ADORA2B: variants seen among roughly 807,000 people sequenced by gnomAD.
ADORA2B encodes adenosine receptor A2b.
Under a neutral mutation model 20.8 loss-of-function variants are expected in ADORA2B, and 18 were observed. The ratio of observed to expected loss-of-function variants is 0.87; its 90% CI spans 0.60 to 1.29. The LOEUF (loss-of-function observed/expected upper bound fraction) is 1.29. Among genes scored for constraint, ADORA2B ranks in the 50% most tolerant of loss-of-function variants. ADORA2B has a pLI of 0.00. For missense variants in ADORA2B, 441 were observed against 422.7 expected (o/e 1.04, Z -0.38); for synonymous variants, 179 against 178.3 (o/e 1.00, Z -0.03).
the ADORA2B span, among the ~76,000 whole-genome samples, chr17:15,861,600 G>A: frequency 1.1e-4 from 17 of 152,316 alleles, no homozygotes; most frequent in African/African-American, 4.1e-4. Flanking sequence ...TGGCATGTAA[G>A]GATTAGAGAG....
At chr17:15,946,063 G>T (rs2151591136) in intron 1 of ADORA2B, among the ~76,000 whole-genome samples, 1 of 152,324 alleles carries the variant, frequency 6.6e-6, no homozygotes, top group African/African-American at 2.4e-5. Flanking sequence ...CCCACTAAGG[G>T]CAAGGCAACT....
chr17:15,933,910 C>G, the ADORA2B span, among the ~76,000 whole-genome samples: 7 of 152,228 alleles, frequency 4.6e-5, no homozygotes, highest in South Asian at 1.5e-3. Flanking sequence ...GAAGTGAGAG[C>G]AAAATCCTTG....
Position 15,974,945 on chromosome 17 carries a change from T to C in ADORA2B, c.602T>C (p.Ile201Thr). 6.2e-7 allele frequency: 1 copy of C among 1,614,162 alleles called. No homozygotes were observed. Among genetic ancestry groups the C allele is most frequent in the Non-Finnish European group, 8.5e-7 (1 of 1,180,036 alleles). Reference sequence around the variant, plus strand: ...CCCCCACTGCTTATAATGCTGGTGATCTACATTAAGATCTTCCTGGTGGCC... The same window carrying C: ...CCCCCACTGCTTATAATGCTGGTGACCTACATTAAGATCTTCCTGGTGGCC... ...VLPPLLIMLV[I>T]YIKIFLVACR... Residue 201 changes from isoleucine to threonine, a missense_variant, in exon 2 of 2, where the codon ATC becomes ACC. By Grantham distance (89) the Ile-to-Thr change is moderately conservative. Transcript: ENST00000304222.
upstream of ADORA2B, among the ~76,000 whole-genome samples, chr17:15,940,574 C>A (rs1969735086): frequency 6.6e-6 from 1 of 152,170 alleles, no homozygotes; most frequent in Non-Finnish European, 1.5e-5. Flanking sequence ...AGGCCTAGAG[C>A]TCTCAGGTTA....
chr17:15,879,696 C>G, the ADORA2B span, among the ~76,000 whole-genome samples: 1 of 149,500 alleles, frequency 6.7e-6, no homozygotes, highest in Non-Finnish European at 1.5e-5. Context: ...CACCACCACG[C>G]CCGGCTAATT....
rs116299139 is a variant in ADORA2B, at chr17:15,963,377, C to T, written c.336-11302C>T. ...TGGAGAAACCTGGCAGACACCACAT[C>T]AACCAAGTGCCTTCTCATGTACCCC... On this transcript the variant is annotated intron_variant, in intron 1 of 1. Transcript: ENST00000304222. Among the ~76,000 whole-genome samples the T allele has an allele frequency of 9.7e-3, 1,484 of 152,274 alleles. 19 individuals carry two copies. The highest frequency in any genetic ancestry group is 0.034 in the African/African-American group (1,416 of 41,564).
At chr17:15,918,758 C>A in the ADORA2B span, among the ~76,000 whole-genome samples, 4 of 152,182 alleles carry the variant, frequency 2.6e-5, no homozygotes, top group Non-Finnish European at 5.9e-5. Context: ...TGTAAGCCAC[C>A]GCGCCTGGCC....
In ADORA2B at chr17:15,964,731, G is replaced by A. The variant is rs972861006; in HGVS notation, c.336-9948G>A. Among the ~76,000 whole-genome samples, 80 of 150,082 alleles carry A rather than the reference G, an allele frequency of 5.3e-4. 1 individual carries two copies. The highest frequency in any genetic ancestry group is 2.5e-4 in the Non-Finnish European group (17 of 67,674). ...TTAAAAAAAAAACCTTTTATAGTTT[G>A]GTACCATAGGAAATCTGAAAAATAG... On this transcript the variant is annotated intron_variant, in intron 1 of 1. Coordinates refer to ENST00000304222, the MANE Select transcript of ADORA2B (RefSeq NM_000676.4).
At chr17:15,917,883 C>A in the ADORA2B span, among the ~76,000 whole-genome samples, 2 of 152,228 alleles carry the variant, frequency 1.3e-5, no homozygotes, top group Admixed American at 1.3e-4. Flanking sequence ...CCTGTCCAGG[C>A]GAGTGCTCGG....
At chr17:15,855,211 A>G in the ADORA2B span, among the ~76,000 whole-genome samples, 1 of 152,174 alleles carries the variant, frequency 6.6e-6, no homozygotes. Context: ...GATTACAGGC[A>G]TGAGCCACCA....
the ADORA2B span, among the ~76,000 whole-genome samples, chr17:15,913,474 C>T: frequency 6.6e-6 from 1 of 152,108 alleles, no homozygotes; most frequent in Non-Finnish European, 1.5e-5. Context: ...GGTGAAAATC[C>T]CAGAATTGCA....
At chr17:15,918,610 T>C in the ADORA2B span, among the ~76,000 whole-genome samples, 2 of 152,218 alleles carry the variant, frequency 1.3e-5, no homozygotes, top group African/African-American at 4.8e-5. Flanking sequence ...TAGCTGGGAT[T>C]ACAGGCGAGT....
In ADORA2B at chr17:15,945,832, G is replaced by A. The variant is rs34680670; in HGVS notation, c.335+249G>A. ...GTAGGGACAGCTCTAGGGGGTCCGG[G>A]GAGTGCGGTCCCCGGCGCCCGGGGA... On this transcript the variant is annotated intron_variant, in intron 1 of 1. Transcript: ENST00000304222. Among the ~76,000 whole-genome samples, 3 of 152,268 alleles carry A rather than the reference G, an allele frequency of 2.0e-5. No homozygotes were observed. The East Asian group carries it at 5.8e-4, about 30-fold the overall frequency.
At chr17:15,927,626 A>G in the ADORA2B span, among the ~76,000 whole-genome samples, 1 of 152,206 alleles carries the variant, frequency 6.6e-6, no homozygotes, top group African/African-American at 2.4e-5. Context: ...CAGCCTGAGC[A>G]ACAAGAGCAA....
the ADORA2B span, among the ~76,000 whole-genome samples, chr17:15,896,182 A>G: frequency 2.0e-5 from 3 of 152,218 alleles, no homozygotes; most frequent in Non-Finnish European, 4.4e-5. Context: ...ATAGTACACA[A>G]TAGCTGCTTT....
At chr17:15,886,243 G>GTATTTATTTATTTATTTATTTA in the ADORA2B span, among the ~76,000 whole-genome samples, 8 of 132,864 alleles carry the variant, frequency 6.0e-5, no homozygotes, top group African/African-American at 9.4e-5. Flanking sequence ...GAATCTTGTA[G>GTATTTATTTATTTATTTATTTA]TGGCTCGCCC....
At chr17:15,948,932 G>C (rs1245959008) in intron 1 of ADORA2B, among the ~76,000 whole-genome samples, 1 of 152,190 alleles carries the variant, frequency 6.6e-6, no homozygotes, top group Non-Finnish European at 1.5e-5. Flanking sequence ...ATAGGGCCGG[G>C]CACGGTGGCT....
At chr17:15,884,444 G>A in the ADORA2B span, among the ~76,000 whole-genome samples, 1 of 152,088 alleles carries the variant, frequency 6.6e-6, no homozygotes, top group Admixed American at 6.5e-5. Flanking sequence ...TTCAGGATGT[G>A]TAGGTTTGTT....
intron 1 of ADORA2B, among the ~76,000 whole-genome samples, chr17:15,957,424 G>T (rs550441112): frequency 1.4e-4 from 21 of 152,248 alleles, no homozygotes; most frequent in Middle Eastern, 3.4e-3. Context: ...AGATCTGATC[G>T]ATAGCACATA....
Sources: allele counts gnomAD v4.1 joint callset (sites outside exome capture counted in the v4.1 genomes callset), GRCh38; gene constraint gnomAD v4.1.1; transcripts MANE v1.5; gene names NCBI Gene and HGNC (gene_info 2026-07-23, HGNC 2026-07-21).